PARD3B: variants seen among roughly 807,000 people sequenced by gnomAD.
PARD3B encodes par-3 family cell polarity regulator beta.
PARD3B carries 103 observed loss-of-function variants against 130.2 expected under a neutral mutation model. That is an observed-to-expected ratio of 0.79 (90% CI 0.67 to 0.93). PARD3B has a LOEUF of 0.93. Ranked by LOEUF, PARD3B falls within the 40% of genes least tolerant of loss-of-function variation. PARD3B has a pLI of 0.00. For missense variants in PARD3B, 1,609 were observed against 1,499.2 expected (o/e 1.07, Z -1.21); for synonymous variants, 583 against 553.2 (o/e 1.05, Z -0.76).
intron 18 of PARD3B, among the ~76,000 whole-genome samples, chr2:205,353,495 C>CT (rs1366049380): frequency 3.3e-5 from 5 of 151,180 alleles, no homozygotes; most frequent in Non-Finnish European, 5.9e-5. Context: ...CAGTAAATTC[C>CT]TTAAAAAATG....
intron 21 of PARD3B, among the ~76,000 whole-genome samples, chr2:205,548,627 T>C (rs2052478665): frequency 1.3e-5 from 2 of 152,146 alleles, no homozygotes; most frequent in South Asian, 4.1e-4. Context: ...TGCTGAACTC[T>C]CCAAGTTATG....
At chr2:205,570,674 T>C (rs4675535) in intron 22 of PARD3B, among the ~76,000 whole-genome samples, 96,541 of 152,042 alleles carry the variant, frequency 0.63, 30,818 homozygotes, top group East Asian at 0.74. Flanking sequence ...TCCTCCTCGC[T>C]CCCACCCATT....
At chr2:205,286,299 T>C (rs1323989077) in intron 16 of PARD3B, among the ~76,000 whole-genome samples, 3 of 152,188 alleles carry the variant, frequency 2.0e-5, no homozygotes, top group Non-Finnish European at 4.4e-5. Context: ...TATAATTACA[T>C]GAGTTAATAG....
chr2:204,627,676 T>C (rs1034042344), intron 1 of PARD3B, among the ~76,000 whole-genome samples: 1 of 152,184 alleles, frequency 6.6e-6, no homozygotes, highest in Middle Eastern at 3.2e-3. Flanking sequence ...ATAGTTTTTT[T>C]CCCTTTTTGT....
rs545505396 is a variant in PARD3B, at chr2:205,063,173, C to T, written c.504+15483C>T. On this transcript the variant is annotated intron_variant, in intron 4 of 22. Transcript: ENST00000406610. ...AAATTTGGAATTTTATCACTGCAAACATTTATCTTTGTGTTGGGGACATCA... is the reference window on the plus strand; with the variant it reads ...AAATTTGGAATTTTATCACTGCAAATATTTATCTTTGTGTTGGGGACATCA... Among the ~76,000 whole-genome samples, 4 of 152,082 alleles carry T rather than the reference C, an allele frequency of 2.6e-5. No homozygotes were observed. In the South Asian group the frequency reaches 8.3e-4, roughly 32 times the overall value.
At chr2:204,940,927 A>C (rs1265520955) in intron 2 of PARD3B, among the ~76,000 whole-genome samples, 2 of 71,456 alleles carry the variant, frequency 2.8e-5, no homozygotes, top group Non-Finnish European at 4.7e-5. Flanking sequence ...AATACAGTAC[A>C]AGAAAAAAGT....
At position 205,597,605 on chromosome 2, in the gene PARD3B, T is replaced by C. The variant is rs542757607; in HGVS notation, c.3261-17851T>C. Among the ~76,000 whole-genome samples, 89 of 152,344 alleles carry C rather than the reference T, an allele frequency of 5.8e-4. 1 individual carries two copies. The highest frequency in any genetic ancestry group is 1.1e-3 in the Non-Finnish European group (78 of 68,040). ...TCTTTGAGAAATCTCCAGATTGCTCTCCACAGTGGCTGGATTAACTTACAT... is the reference window on the plus strand; with the variant it reads ...TCTTTGAGAAATCTCCAGATTGCTCCCCACAGTGGCTGGATTAACTTACAT... On this transcript the variant is annotated intron_variant, in intron 22 of 22. Coordinates refer to ENST00000406610, the MANE Select transcript of PARD3B (RefSeq NM_001302769.2).
intron 3 of PARD3B, among the ~76,000 whole-genome samples, chr2:204,985,658 T>C (rs1311238177): frequency 6.6e-6 from 1 of 152,138 alleles, no homozygotes; most frequent in African/African-American, 2.4e-5. Context: ...CCACAGTTGT[T>C]ATATGTGAAA....
At chr2:205,297,312 CAT>C (rs1253842430) in intron 16 of PARD3B, among the ~76,000 whole-genome samples, 2 of 152,050 alleles carry the variant, frequency 1.3e-5, no homozygotes, top group African/African-American at 2.4e-5. Context: ...TGAGGCTAGA[CAT>C]AGACAGTGAA....
chr2:205,071,721 G>A (rs866429123), intron 4 of PARD3B, among the ~76,000 whole-genome samples: 6 of 152,190 alleles, frequency 3.9e-5, no homozygotes, highest in East Asian at 3.9e-4. Flanking sequence ...AGTGTATCAC[G>A]TATGTGTGTG....
intron 2 of PARD3B, among the ~76,000 whole-genome samples, chr2:204,706,498 A>T (rs6751181): frequency 0.66 from 99,851 of 152,068 alleles, 36,600 homozygotes; most frequent in South Asian, 0.81. Flanking sequence ...ACTCCAGAAA[A>T]TTGGATGGGG....
intron 3 of PARD3B, among the ~76,000 whole-genome samples, chr2:205,047,012 CTT>C: frequency 6.6e-6 from 1 of 152,106 alleles, no homozygotes; most frequent in Middle Eastern, 3.2e-3. Flanking sequence ...GAAGAACTAA[CTT>C]ATTTTCTTTA....
intron 2 of PARD3B, among the ~76,000 whole-genome samples, chr2:204,817,028 A>G (rs965243359): frequency 2.6e-5 from 4 of 151,942 alleles, no homozygotes; most frequent in African/African-American, 4.8e-5. Context: ...CACCCAGTGC[A>G]TTTTTCATCC....
intron 20 of PARD3B, among the ~76,000 whole-genome samples, chr2:205,487,292 C>G (rs866099308): frequency 3.9e-4 from 60 of 152,060 alleles, no homozygotes; most frequent in South Asian, 2.1e-4. Context: ...CACTCTTTTC[C>G]TTTGTCACTG....
intron 3 of PARD3B, among the ~76,000 whole-genome samples, chr2:205,043,800 A>T (rs561525406): frequency 5.3e-5 from 8 of 151,570 alleles, no homozygotes; most frequent in East Asian, 3.9e-4. Context: ...TCTTTTTTTT[A>T]AATTTTTTAT....
intron 4 of PARD3B, among the ~76,000 whole-genome samples, chr2:205,081,131 A>G (rs191888369): frequency 7.4e-4 from 113 of 152,140 alleles, no homozygotes; most frequent in African/African-American, 2.6e-3. Context: ...AGCTAGTTCA[A>G]TCTATCAATC....
intron 2 of PARD3B, among the ~76,000 whole-genome samples, chr2:204,754,322 C>T (rs752246069): frequency 5.9e-5 from 9 of 152,056 alleles, no homozygotes; most frequent in Non-Finnish European, 1.0e-4. Context: ...CATGTGTAAT[C>T]ATGAATAATT....
At position 205,606,526 on chromosome 2, in the gene PARD3B, C is replaced by T. The variant is rs144532717; in HGVS notation, c.3261-8930C>T. 2.5e-4 allele frequency among the ~76,000 whole-genome samples: 38 copies of T among 151,904 alleles called. 2 individuals are homozygous for T. The highest frequency in any genetic ancestry group is 8.2e-4 in the African/African-American group (34 of 41,442). On this transcript the variant is annotated intron_variant, in intron 22 of 22. Coordinates refer to ENST00000406610, the MANE Select transcript of PARD3B (RefSeq NM_001302769.2). ...TTTTTTTCTTCTCAGTGGGAGCCTC[C>T]GACCACAGCTGTTTCTAGTTGGCCA...
At chr2:204,979,265 C>T (rs1396917480) in intron 3 of PARD3B, among the ~76,000 whole-genome samples, 1 of 151,846 alleles carries the variant, frequency 6.6e-6, no homozygotes, top group East Asian at 1.9e-4. Flanking sequence ...AAAATCAGAT[C>T]AACAGATGAT....
Sources: gnomAD v4.1 joint callset for allele counts (sites outside exome capture counted in the v4.1 genomes callset) on GRCh38, gnomAD v4.1.1 for gene constraint, MANE v1.5 for transcripts, NCBI Gene and HGNC (gene_info 2026-07-23, HGNC 2026-07-21) for gene names.